NARS1: variants seen among roughly 807,000 people sequenced by gnomAD.
The protein encoded by NARS1 is asparagine--tRNA ligase, cytoplasmic.
NARS1 carries 65 observed loss-of-function variants against 79.2 expected under a neutral mutation model. The ratio of observed to expected loss-of-function variants is 0.82; its 90% CI spans 0.67 to 1.01. NARS1 has a LOEUF of 1.01. Among genes scored for constraint, NARS1 ranks in the 50% least tolerant of loss-of-function variants. The probability of loss-of-function intolerance (pLI) is 0.00; values close to 1 mark genes in which losing one functional copy is unlikely to be tolerated. For synonymous variants in NARS1, 229 were observed against 238.8 expected (o/e 0.96, Z 0.38); for missense variants, 649 against 673.8 (o/e 0.96, Z 0.41).
In NARS1 at chr18:57,615,985, G is replaced by A. The variant is rs750230220; in HGVS notation, c.94-10C>T. 1.9e-6 allele frequency: 3 copies of A among 1,585,396 alleles called. No homozygotes were observed. The highest frequency in any genetic ancestry group is 3.8e-5 in the Admixed American group (2 of 52,356). ...CTACTGTCATCAAAGCCTTGGGTAG[G>A]GAGGAGAGAAAAGACAGTTCTTGAA... On this transcript the variant is annotated splice_polypyrimidine_tract_variant and intron_variant, in intron 2 of 13. Coordinates refer to ENST00000256854, the MANE Select transcript of NARS1 (RefSeq NM_004539.4).
chr18:57,618,451 C>T (rs1295544671), intron 2 of NARS1, among the ~76,000 whole-genome samples: 2 of 152,194 alleles, frequency 1.3e-5, no homozygotes, highest in Admixed American at 1.3e-4. Flanking sequence ...TATCAGTTCC[C>T]AAATCAGAAT....
chr18:57,615,730 C>A lies in NARS1; in HGVS notation c.253G>T (p.Ala85Ser). Residue 85 changes from alanine to serine, a missense_variant and splice_region_variant, in exon 4 of 14, where the codon GCA (alanine) becomes TCA (serine). Coordinates refer to ENST00000256854, the MANE Select transcript of NARS1 (RefSeq NM_004539.4). ...MKSESREKKE[A>S]EDSLRREKNL... The stretch of plus-strand genomic sequence containing the variant: ...TTTTCTCTTCGTAAACTATCTTCTG[C>A]CTAATTTTAATGATGAAGCAGTTTG... 1 of 1,611,438 alleles carries A rather than the reference C, an allele frequency of 6.2e-7. No homozygotes were observed. The highest frequency in any genetic ancestry group is 8.5e-7 in the Non-Finnish European group (1 of 1,178,902).
chr18:57,615,981 G>T lies in NARS1; in HGVS notation c.94-6C>A. 1.9e-6 allele frequency: 3 copies of T among 1,588,586 alleles called. No homozygotes were observed. The highest frequency in any genetic ancestry group is 2.6e-6 in the Non-Finnish European group (3 of 1,171,242). ...TTCCCTACTGTCATCAAAGCCTTGG[G>T]TAGGGAGGAGAGAAAAGACAGTTCT... On this transcript the variant is annotated splice_polypyrimidine_tract_variant and splice_region_variant and intron_variant, in intron 2 of 13. Transcript: ENST00000256854.
At chr18:57,609,244 T>C in intron 7 of NARS1, 113 bp downstream of exon 7, 6 of 795,272 alleles carry the variant, frequency 7.5e-6, no homozygotes, top group Non-Finnish European at 1.3e-5. Flanking sequence ...TCCTACTAGT[T>C]CTGTCCCTCT....
At chr18:57,605,149 A>C (rs533196429) in intron 11 of NARS1, among the ~76,000 whole-genome samples, 32 of 147,596 alleles carry the variant, frequency 2.2e-4, no homozygotes, top group African/African-American at 7.2e-4. Flanking sequence ...ATATATATAT[A>C]TATATCTATA....
chr18:57,613,273 A>C (rs907220878), intron 5 of NARS1, among the ~76,000 whole-genome samples: 1 of 151,960 alleles, frequency 6.6e-6, no homozygotes, highest in African/African-American at 2.4e-5. Context: ...ACAGTGGATC[A>C]CCTGAGGCCA....
intron 9 of NARS1, 102 bp downstream of exon 9, chr18:57,607,032 C>T: frequency 8.1e-7 from 1 of 1,236,298 alleles, no homozygotes; most frequent in East Asian, 2.3e-5. Flanking sequence ...CTTAATATAT[C>T]AGTTGGTTTT....
At position 57,609,394 on chromosome 18, in the gene NARS1, A is replaced by T. The variant is rs748564906; in HGVS notation, c.542T>A (p.Val181Glu). The stretch of plus-strand genomic sequence containing the variant: ...TGGGGTAAGATTTAGCATTCCATAC[A>T]CTGCAACACTGCTCTCCGTGGACAA... The part of the protein sequence containing the change: ...VLLSTESSVA[V>E]YGMLNLTPKG... The change falls in exon 7 of 14, where the codon GTG becomes GAG. Residue 181 changes from valine (V) to glutamate (E), a missense_variant. Transcript: ENST00000256854. 4 of 1,613,918 alleles carry T rather than the reference A, an allele frequency of 2.5e-6. No homozygotes were observed. Among genetic ancestry groups the T allele is most frequent in the Non-Finnish European group, 3.4e-6 (4 of 1,179,920 alleles).
intron 7 of NARS1, among the ~76,000 whole-genome samples, chr18:57,608,843 A>T (rs1193833061): frequency 1.3e-5 from 2 of 152,142 alleles, no homozygotes; most frequent in African/African-American, 4.8e-5. Flanking sequence ...GGAGAGGCAG[A>T]CCCACCCTCA....
intron 11 of NARS1, among the ~76,000 whole-genome samples, chr18:57,605,377 G>A (rs970672949): frequency 1.2e-4 from 18 of 151,650 alleles, no homozygotes; most frequent in African/African-American, 4.3e-4. Context: ...GGGAGGCTGA[G>A]GTGGGCAGAT....
chr18:57,607,601 C>G lies in NARS1; in HGVS notation c.644G>C (p.Gly215Ala). The stretch of plus-strand genomic sequence containing the variant: ...CTCCTCATTGATCAGGTTGTCAGCT[C>G]CTCCAGCAGGGGCCAACCCAATTAG... ...WELIGLAPAG[G>A]ADNLINEESD... is the part of the protein sequence containing the mutation. The change falls in exon 8 of 14, where the codon GGA (glycine) becomes GCA (alanine). Residue 215 changes from glycine (G) to alanine (A), a missense_variant. Gly to Ala is a moderately conservative substitution (Grantham distance 60). Coordinates refer to ENST00000256854, the MANE Select transcript of NARS1 (RefSeq NM_004539.4). 6.2e-7 allele frequency: 1 copy of G among 1,614,118 alleles called. No individual in the cohort carries two copies. The highest frequency in any genetic ancestry group is 8.5e-7 in the Non-Finnish European group (1 of 1,180,030).
chr18:57,610,876 C>T (rs545951417), intron 6 of NARS1, among the ~76,000 whole-genome samples: 4 of 151,418 alleles, frequency 2.6e-5, no homozygotes, highest in Admixed American at 6.6e-5. Flanking sequence ...AAAGGCAGTA[C>T]GAACTGATAA....
At chr18:57,605,618 AAAAAAAAAAAG>A (rs1485859390) in intron 11 of NARS1, among the ~76,000 whole-genome samples, 2 of 151,544 alleles carry the variant, frequency 1.3e-5, no homozygotes, top group Non-Finnish European at 2.9e-5. Context: ...CTCAAAAAAA[AAAAAAAAAAAG>A]AAAAAAAAAG....
At chr18:57,605,134 A>AAAATATAT (rs536569272) in intron 11 of NARS1, among the ~76,000 whole-genome samples, 11 of 135,232 alleles carry the variant, frequency 8.1e-5, no homozygotes, top group African/African-American at 1.7e-4. Flanking sequence ...AAAAAAAAAA[A>AAAATATAT]ATATATATAT....
At position 57,607,118 on chromosome 18, in the gene NARS1, A is replaced by G. The variant is rs780573363; in HGVS notation, c.1001+16T>C. The G allele has an allele frequency of 6.3e-7, 1 of 1,589,140 alleles. No homozygotes were observed. Among genetic ancestry groups the G allele is most frequent in the South Asian group, 1.1e-5 (1 of 88,134 alleles). ...TATTACCTAGAAAGAAATAAAACAAAAAGACAACTTCATACTCAGCCAGGT... is the reference window on the plus strand; with the variant it reads ...TATTACCTAGAAAGAAATAAAACAAGAAGACAACTTCATACTCAGCCAGGT... On this transcript the variant is annotated intron_variant, in intron 9 of 13. Coordinates refer to ENST00000256854, the MANE Select transcript of NARS1 (RefSeq NM_004539.4).
chr18:57,608,345 G>A (rs552264860), intron 7 of NARS1, among the ~76,000 whole-genome samples: 4 of 144,084 alleles, frequency 2.8e-5, no homozygotes, highest in African/African-American at 1.0e-4. Context: ...AGCTACTCAG[G>A]AGAATCGCTT....
chr18:57,605,094 T>A (rs1251456549), intron 11 of NARS1, among the ~76,000 whole-genome samples: 1 of 144,864 alleles, frequency 6.9e-6, no homozygotes, highest in Non-Finnish European at 1.5e-5. Context: ...ATGAACCTCT[T>A]TTTAAAAGCA....
In NARS1 at chr18:57,620,397, G is replaced by C. The variant is rs181334930; in HGVS notation, c.93+172C>G. Reference sequence around the variant, plus strand: ...ATGTTAAAAAGTAAGTTTAGACTTTGATCATCTAACAATCTTAAAGTCACA... The same window carrying C: ...ATGTTAAAAAGTAAGTTTAGACTTTCATCATCTAACAATCTTAAAGTCACA... On this transcript the variant is annotated intron_variant, in intron 2 of 13. Transcript: ENST00000256854. Among the ~76,000 whole-genome samples the C allele has an allele frequency of 2.0e-5, 3 of 152,278 alleles. No individual in the cohort carries two copies. In the East Asian group the frequency reaches 5.8e-4, roughly 29 times the overall value.
chr18:57,601,620 T>C lies in NARS1; in HGVS notation c.*32A>G. 1 of 1,606,284 alleles carries C rather than the reference T, an allele frequency of 6.2e-7. No homozygotes were observed. Among genetic ancestry groups the C allele is most frequent in the Non-Finnish European group, 8.5e-7 (1 of 1,174,476 alleles). On this transcript the variant is annotated 3_prime_UTR_variant, in exon 14 of 14. Coordinates refer to ENST00000256854, the MANE Select transcript of NARS1 (RefSeq NM_004539.4). ...TTTTTTAAAGAGCCTGTTCCTTTCA[T>C]AATCTTTCCTCCACGCTTCTGGAGA... is the stretch of plus-strand genomic sequence containing the variant.
Sources: gnomAD v4.1 joint callset for allele counts (sites outside exome capture counted in the v4.1 genomes callset) on GRCh38, gnomAD v4.1.1 for gene constraint, MANE v1.5 for transcripts, NCBI Gene and HGNC (gene_info 2026-07-23, HGNC 2026-07-21) for gene names.